The following SEC63 variants were observed in gnomAD, a reference collection of about 807,000 sequenced individuals.
SEC63 encodes the protein SEC63 protein translocation regulator, also known as translocation protein SEC63 homolog.
SEC63 carries 56 observed loss-of-function variants against 116.2 expected under a neutral mutation model. The observed-to-expected ratio is 0.48, with a 90% CI of 0.39 to 0.60. The LOEUF is 0.60. Among genes scored for constraint, SEC63 ranks in the 20% least tolerant of loss-of-function variants. SEC63 has a pLI of 0.00. For synonymous variants in SEC63, 273 were observed against 294.6 expected, an observed-to-expected ratio of 0.93 and a Z score of 0.75; for missense variants, 668 against 900.0, an observed-to-expected ratio of 0.74 and a Z score of 3.30.
At chr6:107,944,230 GA>G (rs1346418598) in intron 1 of SEC63, among the ~76,000 whole-genome samples, 4 of 152,182 alleles carry the variant, frequency 2.6e-5, no homozygotes, top group African/African-American at 9.7e-5. Flanking sequence ...CTGAACAGCT[GA>G]AAAGACAGTT....
intron 18 of SEC63, among the ~76,000 whole-genome samples, chr6:107,877,925 G>C (rs1424727061): frequency 2.0e-5 from 3 of 152,206 alleles, no homozygotes. Context: ...ACGGTGACAT[G>C]AGTGGCACTT....
chr6:107,903,100 C>A (rs1787046449), intron 11 of SEC63, 102 bp from the exon 12 acceptor site: 1 of 1,173,896 alleles, frequency 8.5e-7, no homozygotes, highest in Non-Finnish European at 1.3e-6. Context: ...TCCATAACAC[C>A]TCAAATTTGA....
chr6:107,948,577 T>C (rs576531107), intron 1 of SEC63, among the ~76,000 whole-genome samples: 1 of 152,298 alleles, frequency 6.6e-6, no homozygotes, highest in South Asian at 2.1e-4. Flanking sequence ...CGAAGGCTGT[T>C]GGTCAATTTT....
chr6:107,951,050 A>G (rs534531700), intron 1 of SEC63, among the ~76,000 whole-genome samples: 20 of 152,372 alleles, frequency 1.3e-4, no homozygotes, highest in African/African-American at 4.8e-4. Context: ...GCACTTACAA[A>G]TAATGGTTGG....
chr6:107,950,509 T>A (rs1562342661), intron 1 of SEC63, among the ~76,000 whole-genome samples: 1 of 152,230 alleles, frequency 6.6e-6, no homozygotes, highest in Non-Finnish European at 1.5e-5. Flanking sequence ...CAGGATAGAC[T>A]ATATGTTAAG....
At chr6:107,926,955 C>T (rs554863762) in intron 2 of SEC63, among the ~76,000 whole-genome samples, 2 of 152,284 alleles carry the variant, frequency 1.3e-5, no homozygotes, top group Admixed American at 6.5e-5. Context: ...AGAAACATAA[C>T]GGATCACATC....
intron 16 of SEC63, chr6:107,883,439 T>C (rs1319115946): frequency 3.1e-5 from 9 of 294,788 alleles, no homozygotes; most frequent in Non-Finnish European, 5.1e-5. Flanking sequence ...AAGGCTAAGA[T>C]GGTTCTGCTT....
At chr6:107,952,802 T>C (rs1332615702) in intron 1 of SEC63, among the ~76,000 whole-genome samples, 1 of 152,188 alleles carries the variant, frequency 6.6e-6, no homozygotes, top group Admixed American at 6.5e-5. Flanking sequence ...TTTAAGGTTG[T>C]GTAACTGCCA....
chr6:107,893,729 G>A (rs1339884557), intron 15 of SEC63, 74 bp from the exon 16 acceptor site: 23 of 1,591,948 alleles, frequency 1.4e-5, no homozygotes, highest in Non-Finnish European at 1.9e-5. Flanking sequence ...ATTTTTAGGT[G>A]GAAATAGCTA....
rs1786097302 is a variant in SEC63 at position 107,870,194 on chromosome 6, G to T, written c.*1510C>A. 1.3e-5 allele frequency: 2 copies of T among 152,800 alleles called. No homozygotes were observed. The highest frequency in any genetic ancestry group is 2.1e-4 in the South Asian group (1 of 4,832). 9.5% of individuals were successfully genotyped at this position (152,800 alleles called of 1,614,324 possible). On this transcript the variant is annotated 3_prime_UTR_variant, in exon 21 of 21. Transcript: ENST00000369002. ...AAAATCCTCAGTGACACTGCCTCCT[G>T]CCTGCCAAGAAAGGCTCTCACTAAA...
At chr6:107,913,516 T>C in intron 4 of SEC63, 89 bp from the exon 5 acceptor site, 2 of 902,620 alleles carry the variant, frequency 2.2e-6, no homozygotes, top group Admixed American at 1.7e-5. Flanking sequence ...GCCAACCAAC[T>C]CATTTCTTAG....
At chr6:107,885,137 C>G (rs961910158) in intron 16 of SEC63, among the ~76,000 whole-genome samples, 5 of 151,960 alleles carry the variant, frequency 3.3e-5, no homozygotes, top group Non-Finnish European at 5.9e-5. Flanking sequence ...CACTCTGAAT[C>G]AGTATTACAC....
intron 19 of SEC63, among the ~76,000 whole-genome samples, chr6:107,874,610 A>AC (rs1475962780): frequency 6.6e-6 from 1 of 151,800 alleles, no homozygotes; most frequent in Admixed American, 6.6e-5. Context: ...AAAAAAAAAA[A>AC]AAAAAGAACA....
chr6:107,940,578 T>C (rs532369732), intron 1 of SEC63, among the ~76,000 whole-genome samples: 2 of 151,574 alleles, frequency 1.3e-5, no homozygotes, highest in Non-Finnish European at 2.9e-5. Flanking sequence ...TTCACAAATG[T>C]CCTCTGGGAC....
chr6:107,897,883 T>G lies in SEC63; in HGVS notation c.1358-152A>C, dbSNP rs1583738222. On this transcript the variant is annotated intron_variant, in intron 13 of 20. Coordinates refer to ENST00000369002, the MANE Select transcript of SEC63 (RefSeq NM_007214.5). ...TTTGTTAAAAAAATAACTGATTGAC[T>G]ACTCTGTATAAGGCTCTCCAGTAGA... 6 of 661,954 alleles carry G rather than the reference T, an allele frequency of 9.1e-6. No individual in the cohort carries two copies. In the East Asian group the frequency reaches 1.6e-4, roughly 18 times the overall value. The allele number at this position is 661,954 out of a possible 1,614,324, so 41.0% of individuals were successfully genotyped here. A position where few individuals can be genotyped will look rare whatever the true frequency, so the allele number is the denominator to read the frequency against.
chr6:107,931,119 G>C (rs1045632354), intron 1 of SEC63, among the ~76,000 whole-genome samples: 12 of 152,074 alleles, frequency 7.9e-5, no homozygotes, highest in Admixed American at 2.6e-4. Context: ...CACGAGGTCA[G>C]GAATTCGAGA....
intron 1 of SEC63, chr6:107,932,288 T>TA (rs1299759586): frequency 6.6e-6 from 1 of 152,152 alleles, no homozygotes; most frequent in African/African-American, 2.4e-5. Flanking sequence ...AATTTTTTTT[T>TA]ACCATATTAA....
intron 10 of SEC63, 149 bp from the exon 11 acceptor site, chr6:107,904,870 C>T (rs895198681): frequency 9.9e-6 from 7 of 708,836 alleles, no homozygotes; most frequent in East Asian, 2.7e-5. Flanking sequence ...AGAGTTTCTC[C>T]TCAGTATCAC....
intron 1 of SEC63, among the ~76,000 whole-genome samples, chr6:107,941,000 AG>A (rs1554239928): frequency 1.3e-5 from 2 of 152,180 alleles, no homozygotes; most frequent in Non-Finnish European, 1.5e-5. Flanking sequence ...GGTAAAACAA[AG>A]AGAAAGTGGA....
Sources: allele counts gnomAD v4.1 joint callset (sites outside exome capture counted in the v4.1 genomes callset), GRCh38; gene constraint gnomAD v4.1.1; transcripts MANE v1.5; gene names NCBI Gene and HGNC (gene_info 2026-07-23, HGNC 2026-07-21).